The following BTLA variants were observed in gnomAD, a reference collection of about 807,000 sequenced individuals.
BTLA encodes B and T lymphocyte associated, also known as B- and T-lymphocyte attenuator.
In BTLA, 11 loss-of-function variants were observed where a neutral mutation model predicts 25.0. The ratio of observed to expected loss-of-function variants is 0.44; its 90% CI spans 0.28 to 0.73. The LOEUF is 0.73. Among genes scored for constraint, BTLA ranks in the 30% least tolerant of loss-of-function variants. BTLA has a pLI of 0.15. For synonymous variants in BTLA, 104 were observed against 119.8 expected (o/e 0.87, Z 0.86); for missense variants, 282 against 332.8 (o/e 0.85, Z 1.19).
intron 1 of BTLA, among the ~76,000 whole-genome samples, chr3:112,494,929 T>C (rs1214857216): frequency 6.6e-6 from 1 of 152,254 alleles, no homozygotes; most frequent in African/African-American, 2.4e-5. Flanking sequence ...GAGTAATTTA[T>C]AGAAGACTTT....
Position 112,490,029 on chromosome 3 carries a change from G to C in BTLA, c.88+9242C>G, listed in dbSNP as rs562332132. On this transcript the variant is annotated intron_variant, in intron 1 of 4. Coordinates refer to ENST00000334529, the MANE Select transcript of BTLA (RefSeq NM_181780.4). ...ACTTCAAGGATCTTGGGAGGACATT[G>C]ACTTGCATACCTTGGGAAATCACAC... 2.0e-5 allele frequency among the ~76,000 whole-genome samples: 3 copies of C among 152,282 alleles called. No individual in the cohort carries two copies. In the East Asian group the frequency reaches 5.8e-4, roughly 29 times the overall value.
chr3:112,491,274 C>A (rs934851319), intron 1 of BTLA, among the ~76,000 whole-genome samples: 5 of 152,094 alleles, frequency 3.3e-5, no homozygotes, highest in African/African-American at 1.2e-4. Flanking sequence ...TTGCCACTTG[C>A]CCACAGGTAC....
intron 1 of BTLA, among the ~76,000 whole-genome samples, chr3:112,483,499 A>G (rs1204051592): frequency 3.3e-5 from 5 of 152,042 alleles, no homozygotes; most frequent in African/African-American, 1.2e-4. Context: ...ACTATATACC[A>G]GTCTTTATTT....
chr3:112,498,126 C>T (rs1018258234), intron 1 of BTLA, among the ~76,000 whole-genome samples: 3 of 152,168 alleles, frequency 2.0e-5, no homozygotes, highest in African/African-American at 7.2e-5. Flanking sequence ...AATGCTCAGG[C>T]TGCCACACTG....
At chr3:112,474,227 A>C (rs2082277710) in intron 2 of BTLA, among the ~76,000 whole-genome samples, 1 of 152,210 alleles carries the variant, frequency 6.6e-6, no homozygotes, top group Non-Finnish European at 1.5e-5. Context: ...GAAAAAATAA[A>C]ATATTTTTTA....
intron 2 of BTLA, among the ~76,000 whole-genome samples, chr3:112,477,589 A>C (rs1044654725): frequency 6.6e-6 from 1 of 152,012 alleles, no homozygotes; most frequent in Non-Finnish European, 1.5e-5. Flanking sequence ...AGAAGTGTTT[A>C]ATTTTTATGA....
At chr3:112,469,629 A>ATCG in intron 4 of BTLA, 129 bp downstream of exon 4, 4 of 127,592 alleles carry the variant, frequency 3.1e-5, no homozygotes, top group Non-Finnish European at 6.0e-5. Context: ...ATATATATAT[A>ATCG]TATATATATA....
intron 1 of BTLA, among the ~76,000 whole-genome samples, chr3:112,481,996 T>A (rs1019962553): frequency 5.3e-5 from 8 of 152,234 alleles, no homozygotes; most frequent in African/African-American, 1.9e-4. Context: ...CACCAAGTTC[T>A]TAGCAACTGT....
chr3:112,467,211 C>T (rs112531226), intron 4 of BTLA, among the ~76,000 whole-genome samples: 2,781 of 152,210 alleles, frequency 0.018, 79 homozygotes, highest in African/African-American at 0.063. Context: ...CCGCCCGCCT[C>T]GGCCTCCCAA....
At chr3:112,496,801 C>G (rs1232790172) in intron 1 of BTLA, among the ~76,000 whole-genome samples, 2 of 151,974 alleles carry the variant, frequency 1.3e-5, no homozygotes, top group Non-Finnish European at 2.9e-5. Context: ...GATCTCAGCT[C>G]ACTGCAACCT....
intron 2 of BTLA, 103 bp from the exon 3 acceptor site, chr3:112,471,458 G>A: frequency 8.0e-7 from 1 of 1,256,078 alleles, no homozygotes; most frequent in Non-Finnish European, 1.1e-6. Context: ...GAGATTTCAG[G>A]CCAATGCCTC....
intron 2 of BTLA, among the ~76,000 whole-genome samples, chr3:112,477,902 G>T (rs2082297375): frequency 6.6e-6 from 1 of 151,550 alleles, no homozygotes; most frequent in Admixed American, 6.6e-5. Context: ...GAATAATCTT[G>T]GTACCCTTAT....
chr3:112,482,607 T>C (rs771810909), intron 1 of BTLA, among the ~76,000 whole-genome samples: 1 of 152,196 alleles, frequency 6.6e-6, no homozygotes, highest in Non-Finnish European at 1.5e-5. Flanking sequence ...AGAAACCTGA[T>C]TGAGTTTCCA....
intron 1 of BTLA, among the ~76,000 whole-genome samples, chr3:112,487,874 A>C (rs1340503811): frequency 1.3e-5 from 2 of 152,172 alleles, no homozygotes; most frequent in African/African-American, 4.8e-5. Flanking sequence ...TCATGGGGGA[A>C]GATAAATCTC....
chr3:112,488,425 G>T (rs200024866), intron 1 of BTLA, among the ~76,000 whole-genome samples: 2 of 151,860 alleles, frequency 1.3e-5, no homozygotes, highest in Non-Finnish European at 2.9e-5. Flanking sequence ...GGTTTTACCC[G>T]GTTAACCAGG....
intron 1 of BTLA, among the ~76,000 whole-genome samples, chr3:112,491,114 A>G (rs192159380): frequency 6.6e-6 from 1 of 152,326 alleles, no homozygotes; most frequent in Admixed American, 6.5e-5. Flanking sequence ...ACATTTAGCA[A>G]AGCTTACAAA....
At chr3:112,489,079 G>A (rs963803029) in intron 1 of BTLA, among the ~76,000 whole-genome samples, 7 of 152,172 alleles carry the variant, frequency 4.6e-5, no homozygotes, top group African/African-American at 1.4e-4. Context: ...AAGAACATAT[G>A]CAGCTCAACA....
In BTLA at chr3:112,488,256, C is replaced by T. The variant is rs564081602; in HGVS notation, c.89-8487G>A. Among the ~76,000 whole-genome samples the T allele has an allele frequency of 4.2e-3, 505 of 119,672 alleles. 7 individuals carry two copies. Among genetic ancestry groups the T allele is most frequent in the South Asian group, 0.041 (153 of 3,710 alleles). The allele number at this position is 119,672 out of a possible 152,430, so 78.5% of individuals were successfully genotyped here. A position where few individuals can be genotyped will look rare whatever the true frequency, so the allele number is the denominator to read the frequency against. Reference sequence around the variant, plus strand: ...TTTTTTTTTTTTTTTGAGACAGAGTCTCGCTCTGTCGCCCAGGCTGGAGTG... The same window carrying T: ...TTTTTTTTTTTTTTTGAGACAGAGTTTCGCTCTGTCGCCCAGGCTGGAGTG... On this transcript the variant is annotated intron_variant, in intron 1 of 4. Coordinates refer to ENST00000334529, the MANE Select transcript of BTLA (RefSeq NM_181780.4).
At chr3:112,495,081 A>G (rs1321545779) in intron 1 of BTLA, among the ~76,000 whole-genome samples, 1 of 152,224 alleles carries the variant, frequency 6.6e-6, no homozygotes, top group East Asian at 1.9e-4. Context: ...CATGCCATGC[A>G]CTATTCTAAG....
Sources: allele counts gnomAD v4.1 joint callset (sites outside exome capture counted in the v4.1 genomes callset), GRCh38; gene constraint gnomAD v4.1.1; transcripts MANE v1.5; gene names NCBI Gene and HGNC (gene_info 2026-07-23, HGNC 2026-07-21).